The following MYO16 variants were observed in gnomAD, a reference collection of about 807,000 sequenced individuals.
MYO16 encodes myosin XVI.
Under a neutral mutation model 205.3 loss-of-function variants are expected in MYO16, and 94 were observed. That is an observed-to-expected ratio of 0.46 (90% CI 0.39 to 0.54). MYO16 has a LOEUF of 0.54. Among genes scored for constraint, MYO16 ranks in the 20% least tolerant of loss-of-function variants. MYO16 has a pLI of 0.00. For missense variants in MYO16, 2,315 were observed against 2,387.5 expected, an observed-to-expected ratio of 0.97 and a Z score of 0.63; for synonymous variants, 988 against 954.0, an observed-to-expected ratio of 1.04 and a Z score of -0.66.
At chr13:109,085,329 GAA>G (rs1888405416) in intron 27 of MYO16, among the ~76,000 whole-genome samples, 1 of 152,190 alleles carries the variant, frequency 6.6e-6, no homozygotes, top group Non-Finnish European at 1.5e-5. Context: ...GTTGTAGAGA[GAA>G]AACTTCATTG....
intron 16 of MYO16, among the ~76,000 whole-genome samples, chr13:108,922,134 G>A (rs1881772841): frequency 6.6e-6 from 1 of 152,132 alleles, no homozygotes; most frequent in Non-Finnish European, 1.5e-5. Flanking sequence ...CATCAACTGG[G>A]GTCTGGACTT....
At chr13:108,737,393 AATC>A (rs1884742533) in intron 4 of MYO16, among the ~76,000 whole-genome samples, 1 of 152,194 alleles carries the variant, frequency 6.6e-6, no homozygotes, top group Admixed American at 6.5e-5. Context: ...CTATTGAGAT[AATC>A]ATGTGGTTTT....
chr13:108,934,559 G>A (rs1334298376), intron 16 of MYO16, among the ~76,000 whole-genome samples: 5 of 152,072 alleles, frequency 3.3e-5, no homozygotes, highest in Admixed American at 2.6e-4. Flanking sequence ...TGTTTACTCT[G>A]TTGATAGTTT....
At chr13:108,771,418 C>T (rs1473891338) in intron 4 of MYO16, among the ~76,000 whole-genome samples, 1 of 152,146 alleles carries the variant, frequency 6.6e-6, no homozygotes, top group African/African-American at 2.4e-5. Context: ...ACCCCACACA[C>T]GCAAAGCCTC....
intron 27 of MYO16, among the ~76,000 whole-genome samples, chr13:109,096,341 T>C (rs1349863114): frequency 1.3e-5 from 2 of 152,092 alleles, no homozygotes; most frequent in Non-Finnish European, 2.9e-5. Context: ...CCGTGGCGTT[T>C]CCCTTTTCTT....
intron 12 of MYO16, among the ~76,000 whole-genome samples, chr13:108,868,530 G>T (rs1878839721): frequency 1.3e-5 from 2 of 152,016 alleles, no homozygotes; most frequent in African/African-American, 4.8e-5. Context: ...TAAGCATTCT[G>T]GATTCTCAAT....
the MYO16 span, among the ~76,000 whole-genome samples, chr13:108,568,590 T>G: frequency 6.6e-6 from 1 of 152,254 alleles, no homozygotes; most frequent in South Asian, 2.1e-4. Context: ...AGCAGACCCT[T>G]ATAAGAAATG....
the MYO16 span, among the ~76,000 whole-genome samples, chr13:108,495,827 G>A: frequency 6.6e-6 from 1 of 151,790 alleles, no homozygotes; most frequent in African/African-American, 2.4e-5. Flanking sequence ...GGCAACTGCC[G>A]ACCCCTCTCA....
intron 23 of MYO16, among the ~76,000 whole-genome samples, chr13:109,027,631 AC>A (rs2139545881): frequency 6.6e-6 from 1 of 152,014 alleles, no homozygotes; most frequent in Non-Finnish European, 1.5e-5. Context: ...GAGGATAAGG[AC>A]CCTCAGTTGC....
chr13:108,645,232 A>G (rs75331471), intron 1 of MYO16, among the ~76,000 whole-genome samples: 6,850 of 152,302 alleles, frequency 0.045, 185 homozygotes, highest in South Asian at 0.13. Flanking sequence ...ATAAGATCTG[A>G]CACATTTTCA....
rs528082710 is a variant in MYO16, at chr13:108,697,955, T to G, written c.293-14706T>G. ...CAAGGCTGGTCTTGAACTCCTGGCC[T>G]CAAGTGATCCACCCGCCTTGGCCTC... On this transcript the variant is annotated intron_variant, in intron 2 of 34. Transcript: ENST00000457511. Among the ~76,000 whole-genome samples, 12 of 152,272 alleles carry G rather than the reference T, an allele frequency of 7.9e-5. No homozygotes were observed. In the East Asian group the frequency reaches 2.1e-3, roughly 27 times the overall value.
chr13:108,530,170 C>T, the MYO16 span, among the ~76,000 whole-genome samples: 1 of 152,148 alleles, frequency 6.6e-6, no homozygotes, highest in Non-Finnish European at 1.5e-5. Context: ...CAAGTCACTT[C>T]TAAGTTATAT....
chr13:108,797,414 G>A (rs1886828210), intron 6 of MYO16, among the ~76,000 whole-genome samples: 1 of 152,220 alleles, frequency 6.6e-6, no homozygotes, highest in African/African-American at 2.4e-5. Flanking sequence ...ACCAAGCCAT[G>A]GAGATGAAGA....
At chr13:108,793,333 T>A (rs1435602025) in intron 5 of MYO16, among the ~76,000 whole-genome samples, 183 bp from the exon 6 acceptor site, 1 of 148,742 alleles carries the variant, frequency 6.7e-6, no homozygotes, top group East Asian at 1.9e-4. Context: ...TTATATTTTT[T>A]AAAGACTATA....
chr13:108,554,864 A>AC, the MYO16 span, among the ~76,000 whole-genome samples: 2 of 150,972 alleles, frequency 1.3e-5, no homozygotes, highest in Non-Finnish European at 3.0e-5. Flanking sequence ...AAAAAAAAAA[A>AC]AAAAAAAAAG....
intron 7 of MYO16, among the ~76,000 whole-genome samples, chr13:108,816,849 G>C (rs375787580): frequency 6.6e-6 from 1 of 151,994 alleles, no homozygotes; most frequent in Non-Finnish European, 1.5e-5. Flanking sequence ...AATTCATCCA[G>C]ATCATATAAA....
At chr13:108,891,615 T>C (rs1400985536) in intron 14 of MYO16, among the ~76,000 whole-genome samples, 10 of 152,248 alleles carry the variant, frequency 6.6e-5, no homozygotes, top group Non-Finnish European at 1.5e-5. Flanking sequence ...CTATTGGCAC[T>C]GATTTCAAAG....
chr13:109,111,541 T>A (rs9555558), intron 28 of MYO16, among the ~76,000 whole-genome samples: 1 of 152,086 alleles, frequency 6.6e-6, no homozygotes, highest in Non-Finnish European at 1.5e-5. Flanking sequence ...ACTAGGGCTG[T>A]TTTTAGAGCA....
rs918322427 is a variant in MYO16, at chr13:109,207,201, G to A, written c.*365G>A. 1 of 204,196 alleles carries A rather than the reference G, an allele frequency of 4.9e-6. No individual in the cohort carries two copies. Among genetic ancestry groups the A allele is most frequent in the African/African-American group, 2.3e-5 (1 of 43,544 alleles). The allele number at this position is 204,196 out of a possible 1,614,324, so 12.6% of individuals were successfully genotyped here. On this transcript the variant is annotated 3_prime_UTR_variant, in exon 35 of 35. Coordinates refer to ENST00000457511, the MANE Select transcript of MYO16 (RefSeq NM_001198950.3). ...CACTCTGTACAGTTGTTTTTCTACG[G>A]TTCAACAGTCTGTTTATTGTACTTC...
Sources: gnomAD v4.1 joint callset for allele counts (sites outside exome capture counted in the v4.1 genomes callset) on GRCh38, gnomAD v4.1.1 for gene constraint, MANE v1.5 for transcripts, NCBI Gene and HGNC (gene_info 2026-07-23, HGNC 2026-07-21) for gene names.